The following FOXP1 variants were observed in gnomAD, a reference collection of about 807,000 sequenced individuals.
The protein encoded by FOXP1 is forkhead box P1, also known as forkhead box protein P1.
Under a neutral mutation model 98.2 loss-of-function variants are expected in FOXP1, and 15 were observed. The observed-to-expected ratio is 0.15, with a 90% confidence interval of 0.10 to 0.24. The LOEUF is 0.24. Ranked by LOEUF, FOXP1 falls within the 10% of genes least tolerant of loss-of-function variation. FOXP1 has a pLI of 1.00. For missense variants in FOXP1, 633 were observed against 848.5 expected, an observed-to-expected ratio of 0.75 and a Z score of 3.15; for synonymous variants, 371 against 314.5, an observed-to-expected ratio of 1.18 and a Z score of -1.90.
intron 2 of FOXP1, among the ~76,000 whole-genome samples, chr3:71,527,887 G>A (rs926222298): frequency 9.2e-5 from 14 of 152,146 alleles, no homozygotes; most frequent in Middle Eastern, 3.2e-3. Flanking sequence ...AAATAAACTG[G>A]TTTCCTTTTA....
At position 71,262,282 on chromosome 3, in the gene FOXP1, A is replaced by C. The variant is rs1453501628; in HGVS notation, c.-12+37538T>G. On this transcript the variant is annotated intron_variant, in intron 5 of 20. Transcript: ENST00000649528. The stretch of plus-strand genomic sequence containing the variant: ...TCTGTCACAAAAAAAAAAAAAAAAA[A>C]AAAAAAAAAAAAAAAAAAAATTGTC... 1.7e-3 allele frequency among the ~76,000 whole-genome samples: 246 copies of C among 146,390 alleles called. 2 individuals are homozygous for C. Among genetic ancestry groups the C allele is most frequent in the African/African-American group, 5.9e-3 (232 of 39,542 alleles).
At chr3:71,334,560 T>C (rs2107743412) in intron 4 of FOXP1, 1 of 152,296 alleles carries the variant, frequency 6.6e-6, no homozygotes, top group East Asian at 1.9e-4. Context: ...CTGAAGCATA[T>C]TTGCTCCAAA....
At chr3:71,545,149 T>C (rs2045258168) in intron 2 of FOXP1, among the ~76,000 whole-genome samples, 1 of 152,100 alleles carries the variant, frequency 6.6e-6, no homozygotes, top group South Asian at 2.1e-4. Flanking sequence ...TGCGCGCATA[T>C]GCTCCCTGAA....
intron 6 of FOXP1, among the ~76,000 whole-genome samples, chr3:71,115,883 C>T (rs999897108): frequency 2.3e-4 from 35 of 151,918 alleles, no homozygotes; most frequent in Non-Finnish European, 4.7e-4. Flanking sequence ...ACTACAGGCA[C>T]CTGCCACCAT....
chr3:71,530,384 T>A (rs2043742013), intron 2 of FOXP1, among the ~76,000 whole-genome samples: 1 of 152,086 alleles, frequency 6.6e-6, no homozygotes, highest in Non-Finnish European at 1.5e-5. Flanking sequence ...AGCCCCTCAA[T>A]CTTGAACTTC....
intron 9 of FOXP1, among the ~76,000 whole-genome samples, chr3:71,047,457 AC>A (rs1005920113): frequency 1.3e-5 from 2 of 152,106 alleles, no homozygotes; most frequent in Non-Finnish European, 2.9e-5. Context: ...AGGGGTCTGA[AC>A]CCCGAACCTT....
chr3:71,577,956 GA>G (rs1348365370), intron 2 of FOXP1, among the ~76,000 whole-genome samples: 2 of 150,656 alleles, frequency 1.3e-5, no homozygotes, highest in African/African-American at 4.9e-5. Flanking sequence ...CATTTAAAAA[GA>G]AAAAAAGAAG....
chr3:71,557,756 G>A (rs2046245124), intron 2 of FOXP1, among the ~76,000 whole-genome samples: 1 of 152,222 alleles, frequency 6.6e-6, no homozygotes, highest in African/African-American at 2.4e-5. Context: ...AGGAGAGAAT[G>A]GCTTTGCCCA....
chr3:71,276,888 A>C (rs2070954081), intron 5 of FOXP1, among the ~76,000 whole-genome samples: 1 of 151,970 alleles, frequency 6.6e-6, no homozygotes, highest in Admixed American at 6.6e-5. Context: ...TCCTTTAACA[A>C]ATCTCTCCGT....
At chr3:71,412,688 T>C (rs983796809) in intron 3 of FOXP1, among the ~76,000 whole-genome samples, 4 of 152,156 alleles carry the variant, frequency 2.6e-5, no homozygotes, top group African/African-American at 9.7e-5. Context: ...TTAACACAGG[T>C]TGTAGTCCCA....
chr3:70,958,107 C>CTAAT lies in FOXP1; in HGVS notation c.*1136_*1139dup, dbSNP rs1273903105. On this transcript the variant is annotated 3_prime_UTR_variant, in exon 21 of 21. Coordinates refer to ENST00000649528, the MANE Select transcript of FOXP1 (RefSeq NM_001349338.3). ...AGCCTTCCAAGGCCATATTGTCAGTCTAATTAATATGAGCTTTTTTTTTTT... is the reference window on the plus strand; with the variant it reads ...AGCCTTCCAAGGCCATATTGTCAGTCTAATTAATTAATATGAGCTTTTTTTTTTT... The CTAAT allele has an allele frequency of 8.6e-6, 3 of 348,556 alleles. No homozygotes were observed. Among genetic ancestry groups the CTAAT allele is most frequent in the Non-Finnish European group, 1.6e-5 (3 of 184,886 alleles). The allele number at this position is 348,556 out of a possible 1,614,324, so 21.6% of individuals were successfully genotyped here. A position where few individuals can be genotyped will look rare whatever the true frequency, so the allele number is the denominator to read the frequency against.
intron 2 of FOXP1, among the ~76,000 whole-genome samples, chr3:71,567,161 A>G (rs184465627): frequency 1.3e-5 from 2 of 152,342 alleles, no homozygotes; most frequent in East Asian, 1.9e-4. Flanking sequence ...CAAACATTCT[A>G]AAGAAAAATG....
chr3:71,226,942 CCT>C (rs1238468612), intron 5 of FOXP1, among the ~76,000 whole-genome samples: 1 of 152,108 alleles, frequency 6.6e-6, no homozygotes, highest in African/African-American at 2.4e-5. Flanking sequence ...CTGACAGTCC[CCT>C]CTGATGACAG....
intron 3 of FOXP1, among the ~76,000 whole-genome samples, chr3:71,419,991 A>C (rs1262382798): frequency 3.3e-5 from 5 of 151,748 alleles, no homozygotes; most frequent in Non-Finnish European, 7.4e-5. Flanking sequence ...TAATTTTTGT[A>C]ATTTTAGTAG....
chr3:71,579,750 T>G (rs1017866546), intron 2 of FOXP1, among the ~76,000 whole-genome samples: 1 of 151,372 alleles, frequency 6.6e-6, no homozygotes, highest in Admixed American at 6.6e-5. Flanking sequence ...CTAACTCTAG[T>G]GTAGGAGTCT....
At chr3:71,443,346 A>G (rs1018384374) in intron 3 of FOXP1, among the ~76,000 whole-genome samples, 6 of 152,238 alleles carry the variant, frequency 3.9e-5, no homozygotes, top group African/African-American at 1.4e-4. Context: ...TAATGAGAAC[A>G]TTCAAAATAC....
chr3:71,249,539 C>G (rs903656306), intron 5 of FOXP1, among the ~76,000 whole-genome samples: 1 of 152,218 alleles, frequency 6.6e-6, no homozygotes, highest in Non-Finnish European at 1.5e-5. Context: ...GGCCACACAA[C>G]AGCTAAGCAG....
intron 6 of FOXP1, among the ~76,000 whole-genome samples, chr3:71,144,924 T>A (rs193230314): frequency 7.9e-5 from 12 of 152,336 alleles, no homozygotes; most frequent in African/African-American, 2.6e-4. Context: ...ATAAATGGAA[T>A]CATATAGTGT....
rs1055668909 is a variant in FOXP1, at chr3:71,040,792, T to A, written c.869+536A>T. ...CACCTCCACCAGCCACCACCACCAC[T>A]ACCTCTTCTGTCTCTCCATCCTCCA... On this transcript the variant is annotated intron_variant, in intron 11 of 20. Coordinates refer to ENST00000649528, the MANE Select transcript of FOXP1 (RefSeq NM_001349338.3). Among the ~76,000 whole-genome samples, 18 of 152,230 alleles carry A rather than the reference T, an allele frequency of 1.2e-4. 1 individual carries two copies. Among genetic ancestry groups the A allele is most frequent in the Admixed American group, 8.5e-4 (13 of 15,286 alleles).
Sources: gnomAD v4.1 joint callset for allele counts (sites outside exome capture counted in the v4.1 genomes callset) on GRCh38, gnomAD v4.1.1 for gene constraint, MANE v1.5 for transcripts, NCBI Gene and HGNC (gene_info 2026-07-23, HGNC 2026-07-21) for gene names.